Variants in ZNG1A observed in about 807,000 individuals in gnomAD.
ZNG1A encodes Zn regulated GTPase metalloprotein activator 1A, also known as zinc-regulated GTPase metalloprotein activator 1A.
At chr9:154,079 A>G in the ZNG1A span, 33 of 152,232 alleles carry the variant, frequency 2.2e-4, no homozygotes, top group African/African-American at 7.2e-4. Flanking sequence ...CACATATTTG[A>G]GCATCATTCA....
At chr9:174,904 G>C in the ZNG1A span, among the ~76,000 whole-genome samples, 1 of 149,952 alleles carries the variant, frequency 6.7e-6, no homozygotes, top group African/African-American at 2.5e-5. Flanking sequence ...TATTTTCACA[G>C]ATAACTTAAA....
chr9:177,264 C>T, the ZNG1A span, among the ~76,000 whole-genome samples: 1 of 152,088 alleles, frequency 6.6e-6, no homozygotes, highest in African/African-American at 2.4e-5. Context: ...ATAGGGATGC[C>T]ACTGAAAGGT....
At chr9:150,620 G>A in the ZNG1A span, 7 of 982,710 alleles carry the variant, frequency 7.1e-6, no homozygotes, top group Non-Finnish European at 8.4e-6. Flanking sequence ...TAGATTCTCA[G>A]ATGCACTGGC....
At chr9:168,938 G>C in the ZNG1A span, among the ~76,000 whole-genome samples, 16 of 151,912 alleles carry the variant, frequency 1.1e-4, no homozygotes. Flanking sequence ...CTGTGATGGA[G>C]ATGTACAAGA....
the ZNG1A span, chr9:172,701 A>C: frequency 1.3e-5 from 2 of 154,472 alleles, no homozygotes; most frequent in Admixed American, 1.2e-4. Context: ...TTTGACACAA[A>C]GTCAAATACC....
the ZNG1A span, chr9:163,836 G>C: frequency 0.18 from 193,298 of 1,101,502 alleles, 19,127 homozygotes; most frequent in East Asian, 0.39. Flanking sequence ...AGAATCACTT[G>C]AACCCAGGAG....
At chr9:156,835 A>C in the ZNG1A span, among the ~76,000 whole-genome samples, 3 of 152,240 alleles carry the variant, frequency 2.0e-5, no homozygotes, top group African/African-American at 7.2e-5. Flanking sequence ...TGTCATAAAA[A>C]CATAGAAGAT....
the ZNG1A span, chr9:172,841 G>C: frequency 1.7e-5 from 4 of 233,604 alleles, no homozygotes; most frequent in East Asian, 5.1e-4. Flanking sequence ...CTCTTCTAGG[G>C]TCTATGGTAG....
At chr9:147,728 C>CAT in the ZNG1A span, 1 of 148,858 alleles carries the variant, frequency 6.7e-6, no homozygotes, top group Admixed American at 6.7e-5. Context: ...CCTCCCCCCG[C>CAT]TACTGAGCAT....
the ZNG1A span, chr9:178,728 C>CA: frequency 2.0e-6 from 2 of 1,014,680 alleles, no homozygotes; most frequent in Admixed American, 4.3e-5. Flanking sequence ...CATGAGGCCC[C>CA]AATGCCTCAG....
the ZNG1A span, chr9:173,341 A>T: frequency 6.2e-7 from 1 of 1,604,054 alleles, no homozygotes; most frequent in Non-Finnish European, 8.5e-7. Flanking sequence ...CTTGGCTGAC[A>T]GCTAAGGATT....
chr9:129,214 C>A, the ZNG1A span, among the ~76,000 whole-genome samples: 1 of 152,068 alleles, frequency 6.6e-6, no homozygotes, highest in Non-Finnish European at 1.5e-5. Flanking sequence ...TGGAAAGGAA[C>A]AGGTGATGTG....
chr9:172,390 A>G, the ZNG1A span: 1 of 468,480 alleles, frequency 2.1e-6, no homozygotes, highest in Admixed American at 3.8e-5. Context: ...GAAATCATAT[A>G]CATAATACTT....
the ZNG1A span, among the ~76,000 whole-genome samples, chr9:128,600 TA>T: frequency 0.012 from 1,715 of 145,714 alleles, 110 homozygotes; most frequent in African/African-American, 0.041. Flanking sequence ...TCTTTTTTTT[TA>T]TATATCTTTA....
chr9:128,461 C>G, the ZNG1A span, among the ~76,000 whole-genome samples: 1 of 151,182 alleles, frequency 6.6e-6, no homozygotes, highest in African/African-American at 2.4e-5. Context: ...TCTACTTGTT[C>G]AATTCTATTG....
chr9:155,485 A>G, the ZNG1A span, among the ~76,000 whole-genome samples: 2 of 152,202 alleles, frequency 1.3e-5, no homozygotes, highest in African/African-American at 4.8e-5. Flanking sequence ...CTTCTTTATC[A>G]CTATAAATAT....
the ZNG1A span, among the ~76,000 whole-genome samples, chr9:145,024 A>G: frequency 7.7e-3 from 1,151 of 149,266 alleles, 9 homozygotes; most frequent in African/African-American, 0.027. Context: ...TTAGAATGGC[A>G]ATCATTAAAA....
chr9:147,661 A>AG, the ZNG1A span: 1 of 149,288 alleles, frequency 6.7e-6, no homozygotes, highest in Non-Finnish European at 1.5e-5. Context: ...TCTGAGTATC[A>AG]GTTTACACTA....
chr9:159,516 T>C, the ZNG1A span, among the ~76,000 whole-genome samples: 6 of 152,208 alleles, frequency 3.9e-5, no homozygotes, highest in African/African-American at 7.2e-5. Context: ...AATTCACACA[T>C]TGTATACCTT....
Sources: gnomAD v4.1 joint callset for allele counts (sites outside exome capture counted in the v4.1 genomes callset) on GRCh38, gnomAD v4.1.1 for gene constraint, MANE v1.5 for transcripts, NCBI Gene and HGNC (gene_info 2026-07-23, HGNC 2026-07-21) for gene names.